The following HFM1 variants were observed in gnomAD, a reference collection of about 807,000 sequenced individuals.
HFM1 encodes the protein probable ATP-dependent DNA helicase HFM1.
HFM1 carries 169 observed loss-of-function variants against 192.1 expected under a neutral mutation model. That is an observed-to-expected ratio of 0.88 (90% CI 0.78 to 1.00). The LOEUF (loss-of-function observed/expected upper bound fraction) is 1.00, where lower values mean the gene tolerates loss of function less well. Among genes scored for constraint, HFM1 ranks in the 50% least tolerant of loss-of-function variants. HFM1 has a pLI of 0.00. For synonymous variants in HFM1, 525 were observed against 537.8 expected (o/e 0.98, Z 0.33); for missense variants, 1,661 against 1,668.0 (o/e 1.00, Z 0.07).
chr1:91,270,500 T>C (rs1227421598), intron 34 of HFM1, among the ~76,000 whole-genome samples: 1 of 150,968 alleles, frequency 6.6e-6, no homozygotes, highest in Admixed American at 6.6e-5. Flanking sequence ...TTAGAAATTA[T>C]CAAAACATAG....
At chr1:91,284,751 T>C (rs558592508) in intron 30 of HFM1, among the ~76,000 whole-genome samples, 7 of 152,342 alleles carry the variant, frequency 4.6e-5, no homozygotes, top group Admixed American at 1.3e-4. Context: ...CTTAAAAATA[T>C]GTCTCACATT....
intron 30 of HFM1, among the ~76,000 whole-genome samples, chr1:91,303,492 T>C (rs867159917): frequency 6.6e-6 from 1 of 152,256 alleles, no homozygotes; most frequent in South Asian, 2.1e-4. Flanking sequence ...TAAGTTTTTG[T>C]ATGAATATGT....
chr1:91,317,369 G>A (rs868049243), intron 25 of HFM1, among the ~76,000 whole-genome samples: 4 of 152,196 alleles, frequency 2.6e-5, no homozygotes, highest in East Asian at 1.9e-4. Flanking sequence ...AGCCAAGATC[G>A]TGCCATTGTA....
chr1:91,381,829 T>A (rs1661579230), intron 6 of HFM1, among the ~76,000 whole-genome samples: 3 of 152,174 alleles, frequency 2.0e-5, no homozygotes, highest in African/African-American at 7.2e-5. Context: ...AGTACACAGT[T>A]ACTTAAACAA....
intron 30 of HFM1, among the ~76,000 whole-genome samples, chr1:91,294,407 C>G (rs1285996487): frequency 1.3e-5 from 2 of 152,096 alleles, no homozygotes; most frequent in East Asian, 3.8e-4. Flanking sequence ...GCTTCTTTTG[C>G]TTAACTTTAT....
intron 30 of HFM1, among the ~76,000 whole-genome samples, chr1:91,300,792 A>C (rs1557811768): frequency 6.6e-6 from 1 of 152,190 alleles, no homozygotes; most frequent in Admixed American, 6.6e-5. Context: ...TCTCAAAGTA[A>C]TAAGAGCTAT....
intron 10 of HFM1, 74 bp from the exon 11 acceptor site, chr1:91,378,257 ATAT>A: frequency 7.8e-7 from 1 of 1,284,434 alleles, no homozygotes; most frequent in Middle Eastern, 2.7e-4. Context: ...ATATTCAATA[ATAT>A]TAACATTCTT....
At chr1:91,346,964 A>G (rs1449208695) in intron 19 of HFM1, among the ~76,000 whole-genome samples, 1 of 152,188 alleles carries the variant, frequency 6.6e-6, no homozygotes, top group Non-Finnish European at 1.5e-5. Context: ...TTCTAAAAAA[A>G]ATACAAAATT....
chr1:91,352,063 G>A (rs1474780409), intron 16 of HFM1, among the ~76,000 whole-genome samples: 1 of 151,770 alleles, frequency 6.6e-6, no homozygotes, highest in East Asian at 1.9e-4. Context: ...ATTTGTCAGA[G>A]TAGGGTATGT....
intron 19 of HFM1, among the ~76,000 whole-genome samples, chr1:91,345,464 T>C (rs1656007243): frequency 6.6e-6 from 1 of 152,202 alleles, no homozygotes; most frequent in African/African-American, 2.4e-5. Flanking sequence ...GTTTGTATTT[T>C]ATTCTAAGAG....
At chr1:91,289,364 C>A (rs1570799448) in intron 30 of HFM1, among the ~76,000 whole-genome samples, 1 of 151,760 alleles carries the variant, frequency 6.6e-6, no homozygotes, top group East Asian at 2.0e-4. Context: ...AAGAGACGCT[C>A]CTCACTTCCC....
chr1:91,339,723 A>T (rs981674708), intron 20 of HFM1, among the ~76,000 whole-genome samples: 6 of 152,114 alleles, frequency 3.9e-5, no homozygotes, highest in Admixed American at 1.3e-4. Flanking sequence ...AACTTGGAAA[A>T]TATAATTGAG....
At chr1:91,354,998 G>GA (rs968238925) in intron 13 of HFM1, among the ~76,000 whole-genome samples, 12 of 152,060 alleles carry the variant, frequency 7.9e-5, no homozygotes, top group African/African-American at 2.7e-4. Flanking sequence ...TTATGAAGGT[G>GA]AAAAATCAAA....
intron 30 of HFM1, 147 bp from the exon 31 acceptor site, chr1:91,277,209 TA>T: frequency 2.2e-6 from 1 of 463,770 alleles, no homozygotes; most frequent in Non-Finnish European, 3.7e-6. Flanking sequence ...GTAATCCACG[TA>T]ATTTTTTTTT....
At chr1:91,323,255 T>C (rs1652403250) in intron 21 of HFM1, 56 bp from the exon 22 acceptor site, 1 of 900,292 alleles carries the variant, frequency 1.1e-6, no homozygotes, top group Middle Eastern at 2.2e-4. Flanking sequence ...TTTCCTCTCA[T>C]CCTTTCTCCA....
intron 30 of HFM1, among the ~76,000 whole-genome samples, chr1:91,282,944 T>G (rs1457141894): frequency 6.6e-6 from 1 of 152,150 alleles, no homozygotes; most frequent in Non-Finnish European, 1.5e-5. Flanking sequence ...GATCTGGGAC[T>G]CTAATTAGAG....
At position 91,266,089 on chromosome 1, in the gene HFM1, C is replaced by A. The variant is rs1419171546; in HGVS notation, c.3902G>T (p.Ser1301Ile). 2.5e-6 allele frequency: 4 copies of A among 1,589,816 alleles called. No homozygotes were observed. Among genetic ancestry groups the A allele is most frequent in the Non-Finnish European group, 3.4e-6 (4 of 1,173,296 alleles). The change falls in exon 36 of 39, where the codon AGT becomes ATT. Residue 1301 changes from serine (S) to isoleucine (I), a missense_variant. Transcript: ENST00000370425. ...TKISGFGNTL[S>I]SSTRGSKLPL... is the part of the protein sequence containing the mutation. Reference sequence around the variant, plus strand: ...TAGCTTACTTCCCCTGGTACTTGAACTCAAAGTGTTTCCAAATCCTATGTG... The same window carrying A: ...TAGCTTACTTCCCCTGGTACTTGAAATCAAAGTGTTTCCAAATCCTATGTG...
chr1:91,327,714 G>C (rs369360536), intron 20 of HFM1, among the ~76,000 whole-genome samples: 1 of 152,138 alleles, frequency 6.6e-6, no homozygotes, highest in Non-Finnish European at 1.5e-5. Flanking sequence ...TTCAAGGAGA[G>C]ACCATATGTT....
At chr1:91,391,775 T>C (rs952968117) in intron 4 of HFM1, among the ~76,000 whole-genome samples, 2 of 152,154 alleles carry the variant, frequency 1.3e-5, no homozygotes, top group Admixed American at 1.3e-4. Context: ...CTAAAGAGCT[T>C]CTGCACAGCA....
Sources: gnomAD v4.1 joint callset for allele counts (sites outside exome capture counted in the v4.1 genomes callset) on GRCh38, gnomAD v4.1.1 for gene constraint, MANE v1.5 for transcripts, NCBI Gene and HGNC (gene_info 2026-07-23, HGNC 2026-07-21) for gene names.